The following EXOC4 variants were observed in gnomAD, a reference collection of about 807,000 sequenced individuals.
The protein encoded by EXOC4 is SEC8-like 1.
EXOC4 carries 71 observed loss-of-function variants against 107.2 expected under a neutral mutation model. That is an observed-to-expected ratio of 0.66 (90% CI 0.55 to 0.81). EXOC4 has a LOEUF of 0.81. Ranked by LOEUF, EXOC4 falls within the 30% of genes least tolerant of loss-of-function variation. The pLI is 0.00. For missense variants in EXOC4, 1,108 were observed against 1,189.6 expected, an observed-to-expected ratio of 0.93 and a Z score of 1.01; for synonymous variants, 456 against 441.2, an observed-to-expected ratio of 1.03 and a Z score of -0.42.
chr7:133,454,869 C>A (rs759957219), intron 7 of EXOC4, among the ~76,000 whole-genome samples: 2 of 152,090 alleles, frequency 1.3e-5, no homozygotes, highest in Non-Finnish European at 2.9e-5. Context: ...GATGCCGAGG[C>A]AGGTGGATCA....
intron 17 of EXOC4, among the ~76,000 whole-genome samples, chr7:134,062,322 A>G (rs967858408): frequency 5.3e-5 from 8 of 152,352 alleles, no homozygotes; most frequent in Admixed American, 2.0e-4. Context: ...GTGTGAAAAG[A>G]CACCACAACT....
intron 9 of EXOC4, among the ~76,000 whole-genome samples, chr7:133,538,752 C>T (rs930314447): frequency 5.9e-5 from 9 of 151,946 alleles, no homozygotes; most frequent in Admixed American, 1.3e-4. Context: ...AATTATTTGA[C>T]CCCAGGAGTT....
intron 7 of EXOC4, among the ~76,000 whole-genome samples, chr7:133,409,936 A>G (rs2150743977): frequency 6.6e-6 from 1 of 152,294 alleles, no homozygotes; most frequent in Non-Finnish European, 1.5e-5. Flanking sequence ...TTCAATAGTT[A>G]GGCTATCTGT....
intron 6 of EXOC4, among the ~76,000 whole-genome samples, chr7:133,364,168 G>C (rs1356186701): frequency 6.6e-6 from 1 of 151,986 alleles, no homozygotes; most frequent in Non-Finnish European, 1.5e-5. Flanking sequence ...CTCTGTCGCT[G>C]AGGCTGGAAT....
intron 7 of EXOC4, among the ~76,000 whole-genome samples, chr7:133,464,218 A>T (rs1468503397): frequency 6.6e-6 from 1 of 152,192 alleles, no homozygotes; most frequent in Non-Finnish European, 1.5e-5. Flanking sequence ...CAGGATGTGC[A>T]GGTTTGTTAC....
intron 1 of EXOC4, among the ~76,000 whole-genome samples, chr7:133,254,964 T>C (rs543529575): frequency 2.0e-5 from 3 of 152,278 alleles, no homozygotes; most frequent in African/African-American, 7.2e-5. Flanking sequence ...CTTTTTTTAC[T>C]AATGCTAATT....
At chr7:133,775,996 A>T (rs1480550794) in intron 10 of EXOC4, among the ~76,000 whole-genome samples, 1 of 152,192 alleles carries the variant, frequency 6.6e-6, no homozygotes, top group African/African-American at 2.4e-5. Flanking sequence ...TAATAGACTT[A>T]AGATTTATTG....
chr7:133,286,636 C>T (rs569599221), intron 2 of EXOC4, among the ~76,000 whole-genome samples: 44 of 152,318 alleles, frequency 2.9e-4, no homozygotes, highest in African/African-American at 7.9e-4. Context: ...TCAAATGTCA[C>T]TATCTGTATA....
At chr7:134,086,154 A>T in the EXOC4 span, among the ~76,000 whole-genome samples, 3 of 152,218 alleles carry the variant, frequency 2.0e-5, no homozygotes, top group Non-Finnish European at 4.4e-5. Flanking sequence ...AAAAGGAAAT[A>T]CTTATTTACA....
At position 133,311,246 on chromosome 7, in the gene EXOC4, G is replaced by A. The variant is rs146471981; in HGVS notation, c.656+5185G>A. 9.1e-4 allele frequency among the ~76,000 whole-genome samples: 138 copies of A among 152,068 alleles called. No individual in the cohort carries two copies. In the East Asian group the frequency reaches 0.023, roughly 26 times the overall value. On this transcript the variant is annotated intron_variant, in intron 4 of 17. Coordinates refer to ENST00000253861, the MANE Select transcript of EXOC4 (RefSeq NM_021807.4). ...GAATTGTGAAGGGAGGTTATGAGGGGGGCATTTCTTATGTGATATCAAAGC... is the reference window on the plus strand; with the variant it reads ...GAATTGTGAAGGGAGGTTATGAGGGAGGCATTTCTTATGTGATATCAAAGC...
At chr7:133,492,462 GTCTAA>G (rs1799390553) in intron 9 of EXOC4, among the ~76,000 whole-genome samples, 3 of 152,190 alleles carry the variant, frequency 2.0e-5, no homozygotes, top group South Asian at 4.1e-4. Context: ...GTTTAGTTCT[GTCTAA>G]TCTAATCTAG....
At chr7:134,076,359 T>TA in the EXOC4 span, among the ~76,000 whole-genome samples, 30 of 151,994 alleles carry the variant, frequency 2.0e-4, no homozygotes, top group Non-Finnish European at 3.5e-4. Context: ...CTACTAAAAA[T>TA]ACAGAAAAAT....
At chr7:133,923,704 C>T (rs973864495) in intron 13 of EXOC4, among the ~76,000 whole-genome samples, 2 of 152,114 alleles carry the variant, frequency 1.3e-5, no homozygotes, top group African/African-American at 2.4e-5. Context: ...ACTGTACAGG[C>T]CACCTTTTTT....
At chr7:133,569,389 G>A (rs1168783340) in intron 9 of EXOC4, among the ~76,000 whole-genome samples, 1 of 152,140 alleles carries the variant, frequency 6.6e-6, no homozygotes, top group Admixed American at 6.5e-5. Flanking sequence ...TAAGAGAAGC[G>A]CTTCAGTTTT....
intron 17 of EXOC4, among the ~76,000 whole-genome samples, chr7:134,012,285 T>C (rs754148621): frequency 2.6e-5 from 4 of 152,142 alleles, no homozygotes; most frequent in Admixed American, 1.3e-4. Flanking sequence ...AGCAGGAAGC[T>C]CTGTTAGAAA....
At chr7:134,012,235 A>G (rs1369760867) in intron 17 of EXOC4, among the ~76,000 whole-genome samples, 2 of 152,148 alleles carry the variant, frequency 1.3e-5, no homozygotes, top group Non-Finnish European at 2.9e-5. Context: ...CTAACATCAC[A>G]GTTGTTAGTT....
intron 9 of EXOC4, among the ~76,000 whole-genome samples, chr7:133,589,914 A>C (rs951838877): frequency 5.9e-5 from 9 of 152,184 alleles, no homozygotes; most frequent in African/African-American, 2.2e-4. Context: ...TCCTTAGTTC[A>C]GCTAAAATCC....
At chr7:133,668,007 A>G (rs1793856542) in intron 10 of EXOC4, among the ~76,000 whole-genome samples, 1 of 152,136 alleles carries the variant, frequency 6.6e-6, no homozygotes, top group African/African-American at 2.4e-5. Context: ...AAGATTTAGG[A>G]TGTTTTTACC....
At chr7:133,415,234 A>G (rs1797448719) in intron 7 of EXOC4, among the ~76,000 whole-genome samples, 1 of 152,070 alleles carries the variant, frequency 6.6e-6, no homozygotes, top group Admixed American at 6.6e-5. Context: ...TGTTGCTATG[A>G]GCATTTATGT....
Sources: allele counts gnomAD v4.1 joint callset (sites outside exome capture counted in the v4.1 genomes callset), GRCh38; gene constraint gnomAD v4.1.1; transcripts MANE v1.5; gene names NCBI Gene and HGNC (gene_info 2026-07-23, HGNC 2026-07-21).